Variants in SND1 observed in about 807,000 individuals in gnomAD.
SND1 encodes staphylococcal nuclease domain-containing protein 1.
A neutral mutation model predicts 121.7 loss-of-function variants in SND1; 38 were observed. That is an observed-to-expected ratio of 0.31 (90% confidence interval 0.24 to 0.41). The LOEUF is 0.41. Among genes scored for constraint, SND1 ranks in the 10% least tolerant of loss-of-function variants. The pLI is 1.00. For missense variants in SND1, 868 were observed against 1,184.6 expected, an observed-to-expected ratio of 0.73 and a Z score of 3.92; for synonymous variants, 401 against 447.4, an observed-to-expected ratio of 0.90 and a Z score of 1.31.
At chr7:128,063,216 C>T (rs954806644) in intron 16 of SND1, among the ~76,000 whole-genome samples, 7 of 152,200 alleles carry the variant, frequency 4.6e-5, no homozygotes, top group African/African-American at 1.2e-4. Context: ...GTGGTGGATG[C>T]GTGGGAGACC....
At chr7:127,856,687 G>A (rs1799280335) in intron 12 of SND1, among the ~76,000 whole-genome samples, 1 of 152,176 alleles carries the variant, frequency 6.6e-6, no homozygotes, top group South Asian at 2.1e-4. Context: ...GGATTCAGCA[G>A]ACTGTTGCTT....
At chr7:127,745,752 G>A (rs919534820) in intron 10 of SND1, among the ~76,000 whole-genome samples, 2 of 152,166 alleles carry the variant, frequency 1.3e-5, no homozygotes, top group African/African-American at 4.8e-5. Flanking sequence ...TCATCACTGA[G>A]TGGCTTGATC....
intron 17 of SND1, 33 bp downstream of exon 17, chr7:128,074,723 C>T (rs1160401117): frequency 6.4e-7 from 1 of 1,565,276 alleles, no homozygotes; most frequent in Non-Finnish European, 8.7e-7. Flanking sequence ...GCTCTCCCTG[C>T]CCTCCCGTCC....
rs181621913 is a variant in SND1 at position 128,027,390 on chromosome 7, G to A, written c.1779+36334G>A. On this transcript the variant is annotated intron_variant, in intron 16 of 23. Transcript: ENST00000354725. ...CATGTGGAACTCCATGTGTGCATGC[G>A]TGTCACTTGTAACTGTGGATCTCAC... 2.0e-4 allele frequency: 31 copies of A among 152,578 alleles called. No individual in the cohort carries two copies. The East Asian group carries it at 3.5e-3, about 17-fold the overall frequency. The allele number at this position is 152,578 out of a possible 1,614,324, so 9.5% of individuals were successfully genotyped here.
chr7:128,030,155 G>A (rs1387015540), intron 16 of SND1: 6 of 1,614,098 alleles, frequency 3.7e-6, no homozygotes, highest in South Asian at 2.2e-5. Flanking sequence ...CGTAAGAGGG[G>A]ATGCTTTCGA....
At chr7:127,935,375 T>A (rs1028808593) in intron 15 of SND1, among the ~76,000 whole-genome samples, 1 of 152,232 alleles carries the variant, frequency 6.6e-6, no homozygotes, top group African/African-American at 2.4e-5. Context: ...ACACCTATTG[T>A]TTTCATAATA....
At chr7:127,822,820 A>G (rs557712507) in intron 11 of SND1, among the ~76,000 whole-genome samples, 1 of 152,196 alleles carries the variant, frequency 6.6e-6, no homozygotes, top group South Asian at 2.1e-4. Flanking sequence ...ATTTAATATC[A>G]TTGAATGTTT....
chr7:128,081,550 C>G (rs747824836), intron 18 of SND1, 49 bp downstream of exon 18: 1 of 1,606,672 alleles, frequency 6.2e-7, no homozygotes. Context: ...GTCCAGCTGG[C>G]GCTGCCTGGG....
chr7:128,065,582 A>G (rs1793299280), intron 16 of SND1, among the ~76,000 whole-genome samples: 1 of 152,212 alleles, frequency 6.6e-6, no homozygotes, highest in African/African-American at 2.4e-5. Context: ...TCCATAGATC[A>G]TACACCGATT....
chr7:128,047,675 A>G (rs1792972800), intron 16 of SND1, among the ~76,000 whole-genome samples: 1 of 152,210 alleles, frequency 6.6e-6, no homozygotes, highest in African/African-American at 2.4e-5. Flanking sequence ...CAGAGTTGAG[A>G]GATCTTTGAA....
At chr7:128,040,236 A>G (rs1331918011) in intron 16 of SND1, among the ~76,000 whole-genome samples, 3 of 151,688 alleles carry the variant, frequency 2.0e-5, no homozygotes, top group Non-Finnish European at 2.9e-5. Flanking sequence ...TCACGTTGTG[A>G]TTTTGTTTCC....
chr7:127,873,150 A>G (rs1799629180), intron 12 of SND1, among the ~76,000 whole-genome samples: 1 of 152,122 alleles, frequency 6.6e-6, no homozygotes, highest in Non-Finnish European at 1.5e-5. Flanking sequence ...CCTTCACTTC[A>G]TCACCAGTCT....
intron 10 of SND1, among the ~76,000 whole-genome samples, chr7:127,737,490 G>A (rs184741372): frequency 5.8e-4 from 88 of 152,256 alleles, no homozygotes; most frequent in Non-Finnish European, 7.6e-4. Context: ...CAGGAGAATC[G>A]CTTGAACCTG....
chr7:128,038,683 G>A (rs998525715), intron 16 of SND1, among the ~76,000 whole-genome samples: 1 of 142,982 alleles, frequency 7.0e-6, no homozygotes, highest in African/African-American at 2.5e-5. Flanking sequence ...CAGTTACTGG[G>A]TTGGGTTTTT....
intron 16 of SND1, among the ~76,000 whole-genome samples, chr7:127,996,914 G>A (rs747436630): frequency 3.9e-5 from 6 of 152,100 alleles, no homozygotes; most frequent in African/African-American, 1.2e-4. Flanking sequence ...ACCCACCAGT[G>A]GTCTTTAATT....
intron 16 of SND1, among the ~76,000 whole-genome samples, chr7:128,020,731 G>T (rs150815574): frequency 6.6e-6 from 1 of 152,252 alleles, no homozygotes; most frequent in Non-Finnish European, 1.5e-5. Context: ...ACATGAAGGG[G>T]GAAGGATTAA....
intron 16 of SND1, chr7:127,997,572 T>C: frequency 2.4e-6 from 1 of 419,172 alleles, no homozygotes; most frequent in Admixed American, 2.8e-5. Context: ...CTATATCTAA[T>C]GTTTCTTAAA....
At chr7:127,735,322 C>T (rs1796756255) in intron 10 of SND1, among the ~76,000 whole-genome samples, 1 of 152,258 alleles carries the variant, frequency 6.6e-6, no homozygotes, top group African/African-American at 2.4e-5. Flanking sequence ...AACTGGCTGT[C>T]TTTGTTACTG....
In SND1 at chr7:127,844,389, A is replaced by G. The variant is rs2116647964; in HGVS notation, c.1308A>G (p.Ser436=). The G allele has an allele frequency of 1.2e-6, 2 of 1,613,634 alleles. No homozygotes were observed. Among genetic ancestry groups the G allele is most frequent in the Middle Eastern group, 1.7e-4 (1 of 6,054 alleles). ...CCACAGAGACAGTGCCTGCCTTTTC[A>G]GAGCGTACCTGTGCCACTGTCACCA... is the stretch of plus-strand genomic sequence containing the variant. ...SPATETVPAF[S]ERTCATVTIG... is the part of the protein sequence containing the mutation. Residue 436 remains serine, a synonymous_variant, in exon 12 of 24, where the codon TCA becomes TCG. Transcript: ENST00000354725.
Sources: gnomAD v4.1 joint callset for allele counts (sites outside exome capture counted in the v4.1 genomes callset) on GRCh38, gnomAD v4.1.1 for gene constraint, MANE v1.5 for transcripts, NCBI Gene and HGNC (gene_info 2026-07-23, HGNC 2026-07-21) for gene names.